The following PPP2R3A variants were observed in gnomAD, a reference collection of about 807,000 sequenced individuals.
PPP2R3A encodes serine/threonine-protein phosphatase 2A regulatory subunit B'' subunit alpha.
In PPP2R3A, 80 loss-of-function variants were observed where a neutral mutation model predicts 106.9. That is an observed-to-expected ratio of 0.75 (90% CI 0.62 to 0.90). PPP2R3A has a LOEUF of 0.90. Ranked by LOEUF, PPP2R3A falls within the 40% of genes least tolerant of loss-of-function variation. The pLI, the probability that PPP2R3A is intolerant of heterozygous loss-of-function variation, is 0.00. For synonymous variants in PPP2R3A, 483 were observed against 468.3 expected (o/e 1.03, Z -0.41); for missense variants, 1,386 against 1,350.4 (o/e 1.03, Z -0.41).
chr3:136,078,280 T>TC (rs1248365096), intron 6 of PPP2R3A, 87 bp from the exon 7 acceptor site: 1 of 874,804 alleles, frequency 1.1e-6, no homozygotes, highest in Non-Finnish European at 1.9e-6. Context: ...GTTAAATTGG[T>TC]CCCAAGTATG....
intron 13 of PPP2R3A, among the ~76,000 whole-genome samples, chr3:136,120,635 A>C (rs774622606): frequency 1.3e-5 from 2 of 152,148 alleles, no homozygotes; most frequent in Non-Finnish European, 2.9e-5. Context: ...TTAACAGGGT[A>C]AACAGACAAC....
intron 13 of PPP2R3A, among the ~76,000 whole-genome samples, chr3:136,142,177 C>G (rs944337126): frequency 6.6e-6 from 1 of 152,172 alleles, no homozygotes; most frequent in Non-Finnish European, 1.5e-5. Context: ...GCTTATTAGT[C>G]CAGAACCTGG....
intron 4 of PPP2R3A, among the ~76,000 whole-genome samples, chr3:136,043,033 T>C (rs891785187): frequency 2.6e-5 from 4 of 151,894 alleles, no homozygotes; most frequent in Non-Finnish European, 5.9e-5. Flanking sequence ...ATTAAAACTT[T>C]CAAATAAAAA....
chr3:136,068,669 C>G (rs570031164), intron 5 of PPP2R3A, among the ~76,000 whole-genome samples: 2 of 152,290 alleles, frequency 1.3e-5, no homozygotes, highest in East Asian at 3.9e-4. Flanking sequence ...ACAATAGATG[C>G]TAAAATGAAT....
chr3:135,996,863 A>G (rs1933420798), intron 1 of PPP2R3A, among the ~76,000 whole-genome samples: 1 of 152,198 alleles, frequency 6.6e-6, no homozygotes, highest in Non-Finnish European at 1.5e-5. Context: ...AACTTTAATC[A>G]ATAATTTTGC....
At chr3:135,984,699 G>A (rs976786542) in intron 1 of PPP2R3A, among the ~76,000 whole-genome samples, 3 of 152,152 alleles carry the variant, frequency 2.0e-5, no homozygotes, top group African/African-American at 7.2e-5. Context: ...TAAGTGTCCT[G>A]AGGCTTTCTC....
At chr3:136,064,361 T>C (rs556642751) in intron 5 of PPP2R3A, among the ~76,000 whole-genome samples, 3 of 151,952 alleles carry the variant, frequency 2.0e-5, no homozygotes, top group Admixed American at 2.0e-4. Context: ...GGCACATGTA[T>C]ACATATGTAA....
chr3:136,111,283 A>G (rs1045777521), intron 13 of PPP2R3A, among the ~76,000 whole-genome samples: 2 of 152,210 alleles, frequency 1.3e-5, no homozygotes, highest in Non-Finnish European at 2.9e-5. Flanking sequence ...AGAGAAATAT[A>G]GACATTGATA....
chr3:136,011,455 A>T lies in PPP2R3A; in HGVS notation c.1995+7962A>T, dbSNP rs564104081. On this transcript the variant is annotated intron_variant, in intron 2 of 13. Transcript: ENST00000264977. ...TATGTTATATTTCTGTAGTATTTAA[A>T]TTTTTCCTTACAACCAACCTTATCC... Among the ~76,000 whole-genome samples, 14 of 152,174 alleles carry T rather than the reference A, an allele frequency of 9.2e-5. No homozygotes were observed. The East Asian group carries it at 2.7e-3, about 29-fold the overall frequency.
At chr3:136,106,906 CAA>C (rs1320358211) in intron 13 of PPP2R3A, 1 of 73,880 alleles carries the variant, frequency 1.4e-5, no homozygotes, top group Non-Finnish European at 2.5e-5. Context: ...GCTTGGGCAA[CAA>C]GAGCAAAACT....
intron 6 of PPP2R3A, 28 bp downstream of exon 6, chr3:136,070,580 A>G (rs1432544110): frequency 1.3e-6 from 2 of 1,565,958 alleles, no homozygotes; most frequent in East Asian, 2.3e-5. Flanking sequence ...TTTTCTTAAT[A>G]TAACTCCATA....
At chr3:136,124,048 A>G (rs1208283730) in intron 13 of PPP2R3A, among the ~76,000 whole-genome samples, 1 of 152,254 alleles carries the variant, frequency 6.6e-6, no homozygotes, top group Non-Finnish European at 1.5e-5. Context: ...ATGTTGTTTG[A>G]TTAAAAATTG....
At chr3:136,065,198 A>G (rs1936223942) in intron 5 of PPP2R3A, among the ~76,000 whole-genome samples, 3 of 152,218 alleles carry the variant, frequency 2.0e-5, no homozygotes, top group African/African-American at 7.2e-5. Context: ...GACAGTACAA[A>G]TGAGCTAAAT....
At chr3:136,079,172 T>C (rs1202432807) in intron 7 of PPP2R3A, 1 of 455,248 alleles carries the variant, frequency 2.2e-6, no homozygotes, top group South Asian at 1.6e-5. Flanking sequence ...TTGGCAAAAT[T>C]AGCAGTCCAT....
intron 4 of PPP2R3A, among the ~76,000 whole-genome samples, chr3:136,043,790 A>G (rs185968666): frequency 5.8e-4 from 89 of 152,350 alleles, no homozygotes; most frequent in Admixed American, 4.0e-3. Context: ...CATTAACAAA[A>G]TAACATTTTG....
chr3:136,121,262 AT>A (rs1937984904), intron 13 of PPP2R3A, among the ~76,000 whole-genome samples: 2 of 152,342 alleles, frequency 1.3e-5, no homozygotes, highest in South Asian at 4.1e-4. Flanking sequence ...AAGAAAAGGA[AT>A]GAAATCATGT....
chr3:136,141,646 G>C lies in PPP2R3A; in HGVS notation c.3330-3397G>C, dbSNP rs1027494208. 2.0e-5 allele frequency among the ~76,000 whole-genome samples: 3 copies of C among 152,306 alleles called. No homozygotes were observed. In the South Asian group the frequency reaches 6.2e-4, roughly 32 times the overall value. ...TACATGACATCTCAGATTAAAAGAT[G>C]AACACAAGCTAGCCAAAGAGGGAAG... On this transcript the variant is annotated intron_variant, in intron 13 of 13. Transcript: ENST00000264977.
chr3:136,074,072 A>G (rs1484431451), intron 6 of PPP2R3A, among the ~76,000 whole-genome samples: 1 of 152,212 alleles, frequency 6.6e-6, no homozygotes, highest in Non-Finnish European at 1.5e-5. Context: ...ATGTTATATA[A>G]TCTTCGTGGC....
intron 13 of PPP2R3A, among the ~76,000 whole-genome samples, chr3:136,129,028 G>A (rs867219654): frequency 6.6e-6 from 1 of 152,120 alleles, no homozygotes; most frequent in Non-Finnish European, 1.5e-5. Context: ...AGTGTATGGA[G>A]GGAAATTTAT....
Sources: allele counts gnomAD v4.1 joint callset (sites outside exome capture counted in the v4.1 genomes callset), GRCh38; gene constraint gnomAD v4.1.1; transcripts MANE v1.5; gene names NCBI Gene and HGNC (gene_info 2026-07-23, HGNC 2026-07-21).